SEMA6D: variants seen among roughly 807,000 people sequenced by gnomAD.
SEMA6D encodes the protein semaphorin-6D.
SEMA6D carries 35 observed loss-of-function variants against 106.6 expected under a neutral mutation model. The observed-to-expected ratio is 0.33, with a 90% confidence interval of 0.25 to 0.44. The LOEUF (loss-of-function observed/expected upper bound fraction) is 0.44. SEMA6D is among the 20% of genes least tolerant of loss of function. SEMA6D has a pLI of 1.00. For synonymous variants in SEMA6D, 499 were observed against 487.7 expected (o/e 1.02, Z -0.31); for missense variants, 1,185 against 1,345.9 (o/e 0.88, Z 1.87).
chr15:47,307,612 C>G (rs1402528608), intron 1 of SEMA6D, among the ~76,000 whole-genome samples: 1 of 152,068 alleles, frequency 6.6e-6, no homozygotes, highest in Admixed American at 6.6e-5. Context: ...GATTTCAGAA[C>G]ATAAAGTGGG....
At chr15:47,535,324 GA>G (rs1182870266) in intron 3 of SEMA6D, among the ~76,000 whole-genome samples, 4 of 152,074 alleles carry the variant, frequency 2.6e-5, no homozygotes, top group African/African-American at 9.7e-5. Context: ...CCACAGATAA[GA>G]ACATAAAGGT....
chr15:47,304,022 C>T (rs1438234258), intron 1 of SEMA6D, among the ~76,000 whole-genome samples: 1 of 152,178 alleles, frequency 6.6e-6, no homozygotes, highest in African/African-American at 2.4e-5. Context: ...GAGGGTGTTA[C>T]ATTTAAATAC....
rs987155011 is a variant in SEMA6D, at chr15:47,443,203, T to C, written c.-158-27271T>C. The stretch of plus-strand genomic sequence containing the variant: ...AGCTACAACAATATCTCCTTATCCC[T>C]ACACACCTCTCATTGAGAGGTAGAG... On this transcript the variant is annotated intron_variant, in intron 2 of 19. Coordinates refer to the SEMA6D transcript ENST00000558014. 2.6e-5 allele frequency among the ~76,000 whole-genome samples: 4 copies of C among 152,164 alleles called. No homozygotes were observed. In the South Asian group the frequency reaches 8.3e-4, roughly 32 times the overall value.
At chr15:47,450,604 AGT>A (rs1181079488) in intron 2 of SEMA6D, among the ~76,000 whole-genome samples, 2 of 151,950 alleles carry the variant, frequency 1.3e-5, no homozygotes, top group African/African-American at 2.4e-5. Context: ...GGATTTTTCT[AGT>A]GTGTGTGCTG....
rs1190741542 is a variant in SEMA6D at position 47,512,293 on chromosome 15, G to T, written c.-87+41748G>T. 2.6e-5 allele frequency among the ~76,000 whole-genome samples: 4 copies of T among 152,210 alleles called. No individual in the cohort carries two copies. The East Asian group carries it at 5.8e-4, about 22-fold the overall frequency. ...CTCTTCAATTGAGCAGTTGTGATCT[G>T]CAGAGCAGTAAGCAGTGGCTCAGAT... On this transcript the variant is annotated intron_variant, in intron 3 of 19. Coordinates refer to the SEMA6D transcript ENST00000558014.
At chr15:47,482,693 G>A (rs750386994) in intron 3 of SEMA6D, among the ~76,000 whole-genome samples, 6 of 152,112 alleles carry the variant, frequency 3.9e-5, no homozygotes, top group African/African-American at 1.2e-4. Flanking sequence ...TGAGTGAAAC[G>A]TAGAAAGCTA....
intron 4 of SEMA6D, among the ~76,000 whole-genome samples, chr15:47,644,497 G>A (rs2077545223): frequency 6.6e-6 from 1 of 152,228 alleles, no homozygotes; most frequent in South Asian, 2.1e-4. Flanking sequence ...TGCTGCCAAT[G>A]TGATAGTATT....
intron 1 of SEMA6D, among the ~76,000 whole-genome samples, chr15:47,299,920 T>C (rs2035952684): frequency 8.7e-5 from 1 of 11,486 alleles, no homozygotes; most frequent in South Asian, 8.8e-3. Context: ...TAAAAACATG[T>C]CCATTAGTTA....
At chr15:47,193,730 A>G (rs913869439) in intron 1 of SEMA6D, among the ~76,000 whole-genome samples, 4 of 152,086 alleles carry the variant, frequency 2.6e-5, no homozygotes, top group African/African-American at 9.7e-5. Flanking sequence ...TTCATCTGGG[A>G]CACTTTTATT....
intron 1 of SEMA6D, among the ~76,000 whole-genome samples, chr15:47,745,163 A>C (rs570630095): frequency 1.3e-5 from 2 of 152,224 alleles, no homozygotes; most frequent in Non-Finnish European, 2.9e-5. Context: ...TTAGAACCAC[A>C]CACCCTTCCT....
chr15:47,773,274 G>C lies in SEMA6D; in HGVS notation c.*1489G>C, dbSNP rs561803749. 1 of 152,710 alleles carries C rather than the reference G, an allele frequency of 6.5e-6. No individual in the cohort carries two copies. Among genetic ancestry groups the C allele is most frequent in the East Asian group, 1.9e-4 (1 of 5,186 alleles). 9.5% of individuals were successfully genotyped at this position (152,710 alleles called of 1,614,324 possible). ...ATAGCAGCATTACATTCTTTGCCGT[G>C]ATAAACATTCCACTCCTGCTTTCCT... On this transcript the variant is annotated 3_prime_UTR_variant, in exon 19 of 19. Transcript: ENST00000536845.
chr15:47,529,860 C>T (rs16959660), intron 3 of SEMA6D, among the ~76,000 whole-genome samples: 171 of 152,246 alleles, frequency 1.1e-3, no homozygotes, highest in African/African-American at 3.9e-3. Flanking sequence ...TCGTTCCAGC[C>T]ATTTGCTGCC....
intron 1 of SEMA6D, among the ~76,000 whole-genome samples, chr15:47,227,446 C>CTTTTCT (rs2031783980): frequency 8.0e-5 from 5 of 62,406 alleles, no homozygotes; most frequent in Admixed American, 5.8e-4. Context: ...TCTTTTCTTT[C>CTTTTCT]TTTTCTTTCT....
intron 1 of SEMA6D, among the ~76,000 whole-genome samples, chr15:47,757,355 G>C (rs1201359949): frequency 6.6e-6 from 1 of 152,208 alleles, no homozygotes; most frequent in Non-Finnish European, 1.5e-5. Context: ...TTTCTATCTA[G>C]AGGATGATAT....
chr15:47,534,526 TA>T (rs1488738013), intron 3 of SEMA6D, among the ~76,000 whole-genome samples: 4 of 152,178 alleles, frequency 2.6e-5, no homozygotes, highest in Non-Finnish European at 4.4e-5. Context: ...TAATGCAGCC[TA>T]ATAAAATAAT....
At chr15:47,753,452 G>C (rs2081553945) in intron 1 of SEMA6D, among the ~76,000 whole-genome samples, 1 of 152,148 alleles carries the variant, frequency 6.6e-6, no homozygotes, top group Non-Finnish European at 1.5e-5. Flanking sequence ...AGCACAGGCA[G>C]AATAATGGAC....
rs557699915 is a variant in SEMA6D, at chr15:47,642,662, G to A, written c.-55+41766G>A. Among the ~76,000 whole-genome samples, 3 of 152,272 alleles carry A rather than the reference G, an allele frequency of 2.0e-5. No individual in the cohort carries two copies. In the South Asian group the frequency reaches 6.2e-4, roughly 32 times the overall value. On this transcript the variant is annotated intron_variant, in intron 4 of 19. Coordinates refer to the SEMA6D transcript ENST00000558014. ...CCCAGCCGGGAGTCTGTGAGAGAGA[G>A]CACAAAGGGAATGATGTTGTGGAGC...
intron 1 of SEMA6D, among the ~76,000 whole-genome samples, chr15:47,340,951 G>T (rs1046802494): frequency 6.6e-6 from 1 of 152,118 alleles, no homozygotes. Flanking sequence ...TCTAGAATAA[G>T]TAGAATTTTT....
In SEMA6D at chr15:47,362,353, T is replaced by G. The variant is rs560112477; in HGVS notation, c.-238-50040T>G. Among the ~76,000 whole-genome samples, 5 of 152,272 alleles carry G rather than the reference T, an allele frequency of 3.3e-5. No individual in the cohort carries two copies. In the East Asian group the frequency reaches 9.7e-4, roughly 29 times the overall value. The stretch of plus-strand genomic sequence containing the variant: ...CAGTATAAATATAGAGCCTCCTGAT[T>G]CCATAGCAAGAATGGAGATGCTTGT... On this transcript the variant is annotated intron_variant, in intron 1 of 19. Coordinates refer to the SEMA6D transcript ENST00000558014.
Sources: gnomAD v4.1 joint callset for allele counts (sites outside exome capture counted in the v4.1 genomes callset) on GRCh38, gnomAD v4.1.1 for gene constraint, MANE v1.5 for transcripts, NCBI Gene and HGNC (gene_info 2026-07-23, HGNC 2026-07-21) for gene names.